ZFPM2: variants seen among roughly 807,000 people sequenced by gnomAD.
ZFPM2 encodes zinc finger protein ZFPM2.
A neutral mutation model predicts 98.6 loss-of-function variants in ZFPM2; 20 were observed. The observed-to-expected ratio is 0.20, with a 90% confidence interval of 0.14 to 0.29. The LOEUF (loss-of-function observed/expected upper bound fraction) is 0.29, where lower values mean the gene tolerates loss of function less well. Among genes scored for constraint, ZFPM2 ranks in the 10% least tolerant of loss-of-function variants. The pLI, the probability that ZFPM2 is intolerant of heterozygous loss-of-function variation, is 1.00. For synonymous variants in ZFPM2, 518 were observed against 502.7 expected (o/e 1.03, Z -0.41); for missense variants, 1,310 against 1,388.6 (o/e 0.94, Z 0.90).
intron 4 of ZFPM2, among the ~76,000 whole-genome samples, chr8:105,580,253 T>C (rs1815560339): frequency 6.6e-6 from 1 of 152,166 alleles, no homozygotes; most frequent in Admixed American, 6.5e-5. Context: ...CCATGCATAT[T>C]GTATATTGTT....
chr8:105,413,505 T>TACAC (rs550988281), intron 1 of ZFPM2, among the ~76,000 whole-genome samples: 57 of 141,868 alleles, frequency 4.0e-4, no homozygotes, highest in East Asian at 2.2e-3. Flanking sequence ...TATATATATA[T>TACAC]ATACACACAC....
intron 5 of ZFPM2, among the ~76,000 whole-genome samples, chr8:105,702,096 G>A (rs1197533936): frequency 6.6e-6 from 1 of 152,174 alleles, no homozygotes; most frequent in Non-Finnish European, 1.5e-5. Context: ...TTACAATGTG[G>A]TTCATTATTT....
intron 5 of ZFPM2, among the ~76,000 whole-genome samples, chr8:105,670,225 A>C (rs1817564254): frequency 6.6e-6 from 1 of 152,140 alleles, no homozygotes; most frequent in African/African-American, 2.4e-5. Context: ...GGCCAGGCAC[A>C]GTGGCTGAAG....
chr8:105,411,729 T>G (rs1811581851), intron 1 of ZFPM2, among the ~76,000 whole-genome samples: 1 of 151,872 alleles, frequency 6.6e-6, no homozygotes, highest in Non-Finnish European at 1.5e-5. Context: ...GAGACCTGAT[T>G]ACAAAATATT....
intron 5 of ZFPM2, among the ~76,000 whole-genome samples, chr8:105,650,638 A>C (rs1247494768): frequency 6.6e-6 from 1 of 152,208 alleles, no homozygotes; most frequent in Non-Finnish European, 1.5e-5. Context: ...TTATGTACCC[A>C]GTAGTCATTC....
At chr8:105,346,490 T>A (rs971099401) in intron 1 of ZFPM2, among the ~76,000 whole-genome samples, 1 of 152,190 alleles carries the variant, frequency 6.6e-6, no homozygotes, top group Non-Finnish European at 1.5e-5. Flanking sequence ...AGAATAAACA[T>A]TTATTTCCTT....
chr8:105,550,018 G>A (rs1438684685), intron 3 of ZFPM2, among the ~76,000 whole-genome samples: 1 of 152,100 alleles, frequency 6.6e-6, no homozygotes, highest in South Asian at 2.1e-4. Context: ...AACATTGAAA[G>A]TCTGATTATC....
rs10560485 is a variant in ZFPM2 at position 105,345,425 on chromosome 8, C to CTTTT, written c.40+26465_40+26468dup. Among the ~76,000 whole-genome samples, 164 of 98,338 alleles carry CTTTT rather than the reference C, an allele frequency of 1.7e-3. 6 individuals carry two copies. The highest frequency in any genetic ancestry group is 2.6e-3 in the Non-Finnish European group (132 of 50,848). 64.5% of individuals were successfully genotyped at this position (98,338 alleles called of 152,430 possible). ...ACATATCTAGCTTATTCGTGATGTT[C>CTTTT]TTTTTTTTTTTTTTTTTTTTTTTTA... On this transcript the variant is annotated intron_variant, in intron 1 of 7. Transcript: ENST00000407775.
chr8:105,679,182 TA>T (rs539487086), intron 5 of ZFPM2, among the ~76,000 whole-genome samples: 4 of 152,316 alleles, frequency 2.6e-5, no homozygotes, highest in African/African-American at 7.2e-5. Context: ...TGCCATCATT[TA>T]AAAAAATTCA....
At chr8:105,618,212 A>G (rs1439526417) in intron 4 of ZFPM2, among the ~76,000 whole-genome samples, 1 of 152,214 alleles carries the variant, frequency 6.6e-6, no homozygotes, top group East Asian at 1.9e-4. Context: ...AAAAATTGAT[A>G]TTTAACACAA....
chr8:105,747,466 T>C (rs1405536596), intron 5 of ZFPM2, among the ~76,000 whole-genome samples: 1 of 152,116 alleles, frequency 6.6e-6, no homozygotes, highest in South Asian at 2.1e-4. Flanking sequence ...TCATAATGAA[T>C]GCAGTCTCGC....
At chr8:105,483,964 G>C (rs1256800688) in intron 3 of ZFPM2, among the ~76,000 whole-genome samples, 1 of 151,864 alleles carries the variant, frequency 6.6e-6, no homozygotes, top group East Asian at 1.9e-4. Context: ...TCGATCTCCT[G>C]ACCCCATGAT....
chr8:105,380,510 A>G (rs1296660663), intron 1 of ZFPM2, among the ~76,000 whole-genome samples: 1 of 142,934 alleles, frequency 7.0e-6, no homozygotes, highest in Admixed American at 8.0e-5. Flanking sequence ...CAAAAATGAT[A>G]CTACTACATA....
intron 1 of ZFPM2, among the ~76,000 whole-genome samples, chr8:105,403,075 A>G (rs1811371792): frequency 6.6e-6 from 1 of 152,058 alleles, no homozygotes; most frequent in African/African-American, 2.4e-5. Flanking sequence ...ACTGGGGGAT[A>G]GAAAGATGAT....
chr8:105,584,107 C>T (rs2130749013), intron 4 of ZFPM2, among the ~76,000 whole-genome samples: 1 of 151,484 alleles, frequency 6.6e-6, no homozygotes. Flanking sequence ...TTTTTTTTGG[C>T]AGCTGAAATA....
intron 1 of ZFPM2, among the ~76,000 whole-genome samples, chr8:105,397,515 A>G (rs1035047545): frequency 6.6e-6 from 1 of 152,144 alleles, no homozygotes; most frequent in African/African-American, 2.4e-5. Context: ...GCATAAGATG[A>G]TGCTATTTGG....
intron 2 of ZFPM2, among the ~76,000 whole-genome samples, chr8:105,435,409 GA>G (rs1286251809): frequency 6.6e-6 from 1 of 152,084 alleles, no homozygotes; most frequent in Admixed American, 6.6e-5. Context: ...AAAATACACT[GA>G]AATTTCTATT....
At chr8:105,789,317 T>C (rs1813523243) in intron 6 of ZFPM2, among the ~76,000 whole-genome samples, 1 of 152,066 alleles carries the variant, frequency 6.6e-6, no homozygotes, top group South Asian at 2.1e-4. Flanking sequence ...TTCCCACCTA[T>C]GAGTGAGAAT....
intron 5 of ZFPM2, among the ~76,000 whole-genome samples, chr8:105,755,608 T>C (rs1400630910): frequency 6.6e-6 from 1 of 152,144 alleles, no homozygotes; most frequent in Non-Finnish European, 1.5e-5. Flanking sequence ...TTCAATTAGC[T>C]CTAAAATATT....
Sources: gnomAD v4.1 joint callset for allele counts (sites outside exome capture counted in the v4.1 genomes callset) on GRCh38, gnomAD v4.1.1 for gene constraint, MANE v1.5 for transcripts, NCBI Gene and HGNC (gene_info 2026-07-23, HGNC 2026-07-21) for gene names.